HK1: variants seen among roughly 807,000 people sequenced by gnomAD.
HK1 encodes the protein hexokinase 1.
A neutral mutation model predicts 91.6 loss-of-function variants in HK1; 28 were observed. The observed-to-expected ratio is 0.31, with a 90% CI of 0.23 to 0.42. HK1 has a LOEUF of 0.42. Among genes scored for constraint, HK1 ranks in the 10% least tolerant of loss-of-function variants. The pLI is 1.00. For missense variants in HK1, 770 were observed against 1,219.8 expected, an observed-to-expected ratio of 0.63 and a Z score of 5.49; for synonymous variants, 430 against 468.1, an observed-to-expected ratio of 0.92 and a Z score of 1.05.
chr10:69,318,837 G>A (rs754059698), upstream of HK1: 819 of 1,380,334 alleles, frequency 5.9e-4, no homozygotes, highest in Non-Finnish European at 7.2e-4. Flanking sequence ...AGGAGCCGGG[G>A]GAGGAGGAGG....
intron 3 of HK1, among the ~76,000 whole-genome samples, chr10:69,364,186 A>C (rs907281957): frequency 5.9e-5 from 9 of 152,218 alleles, no homozygotes; most frequent in African/African-American, 1.9e-4. Flanking sequence ...GTGTTTCTCC[A>C]TCTGGGTGCT....
chr10:69,308,081 G>A lies in HK1; in HGVS notation c.27+7220G>A, dbSNP rs143784994. ...TTTGAACTCCTGACCTCAAGTGATCGACCCACCTCAGCCTCCCAAAGTGCT... is the reference window on the plus strand; with the variant it reads ...TTTGAACTCCTGACCTCAAGTGATCAACCCACCTCAGCCTCCCAAAGTGCT... On this transcript the variant is annotated intron_variant, in intron 5 of 21. Coordinates refer to the HK1 transcript ENST00000360289. 5.5e-3 allele frequency among the ~76,000 whole-genome samples: 841 copies of A among 152,028 alleles called. 10 individuals carry two copies. Among genetic ancestry groups the A allele is most frequent in the African/African-American group, 0.019 (804 of 41,484 alleles).
In HK1 at chr10:69,401,774, G is replaced by T; in HGVS notation, c.*639G>T. The T allele has an allele frequency of 5.9e-6, 1 of 170,086 alleles. No individual in the cohort carries two copies. The allele number at this position is 170,086 out of a possible 1,614,324, so 10.5% of individuals were successfully genotyped here. A position where few individuals can be genotyped will look rare whatever the true frequency, so the allele number is the denominator to read the frequency against. On this transcript the variant is annotated 3_prime_UTR_variant, in exon 18 of 18. Coordinates refer to ENST00000359426, the MANE Select transcript of HK1 (RefSeq NM_000188.3). ...GGACAGTCCTGCGGAAATGTGTCTT[G>T]TCTCCATTTGGATAAAAGGAACCAA... is the stretch of plus-strand genomic sequence containing the variant.
chr10:69,271,291 C>T (rs1844149679), intron 1 of HK1, among the ~76,000 whole-genome samples: 1 of 151,972 alleles, frequency 6.6e-6, no homozygotes, highest in African/African-American at 2.4e-5. Context: ...TACAAGAAAC[C>T]TTGTATTCTT....
chr10:69,272,094 C>T (rs1024043253), intron 1 of HK1, among the ~76,000 whole-genome samples: 2 of 152,052 alleles, frequency 1.3e-5, no homozygotes, highest in African/African-American at 4.8e-5. Context: ...AAACTCCTGG[C>T]CTCAGGTGAT....
intron 1 of HK1, among the ~76,000 whole-genome samples, chr10:69,274,995 G>A (rs1409012255): frequency 6.6e-6 from 1 of 151,988 alleles, no homozygotes; most frequent in East Asian, 1.9e-4. Context: ...GGTCCCTTCT[G>A]CTCTGGAATT....
intron 2 of HK1, among the ~76,000 whole-genome samples, chr10:69,353,529 G>C (rs1022270220): frequency 6.6e-6 from 1 of 151,700 alleles, no homozygotes; most frequent in Admixed American, 6.6e-5. Flanking sequence ...GGAGGTTGAG[G>C]CTGCAGTAAG....
intron 1 of HK1, chr10:69,338,406 C>A: frequency 8.1e-7 from 1 of 1,227,214 alleles, no homozygotes; most frequent in Non-Finnish European, 1.0e-6. Context: ...TGACCAGAGT[C>A]CCACATATTC....
At chr10:69,393,109 G>C (rs1009873408) in intron 15 of HK1, among the ~76,000 whole-genome samples, 2 of 152,098 alleles carry the variant, frequency 1.3e-5, no homozygotes, top group Non-Finnish European at 2.9e-5. Flanking sequence ...AGCCTCCCCA[G>C]TAGCTGGGAT....
intron 1 of HK1, among the ~76,000 whole-genome samples, chr10:69,324,727 T>C (rs1239870841): frequency 6.6e-6 from 1 of 152,260 alleles, no homozygotes; most frequent in African/African-American, 2.4e-5. Context: ...CTGCAGATGT[T>C]AGCTCCTTAA....
chr10:69,286,544 C>T (rs1177919592), intron 2 of HK1, among the ~76,000 whole-genome samples: 2 of 151,762 alleles, frequency 1.3e-5, no homozygotes, highest in Non-Finnish European at 1.5e-5. Flanking sequence ...TTTTAGATCA[C>T]GCTTTACTTT....
chr10:69,271,845 A>C (rs1844186039), intron 1 of HK1, among the ~76,000 whole-genome samples: 1 of 151,292 alleles, frequency 6.6e-6, no homozygotes, highest in Non-Finnish European at 1.5e-5. Flanking sequence ...CATAGATATG[A>C]ATATATCTGT....
At chr10:69,360,619 G>C (rs961907142) in intron 3 of HK1, among the ~76,000 whole-genome samples, 1 of 152,196 alleles carries the variant, frequency 6.6e-6, no homozygotes, top group African/African-American at 2.4e-5. Flanking sequence ...TTACACTCCT[G>C]TTGGGGCTCC....
At chr10:69,281,688 G>A (rs1253169550) in intron 1 of HK1, among the ~76,000 whole-genome samples, 2 of 152,188 alleles carry the variant, frequency 1.3e-5, no homozygotes, top group African/African-American at 2.4e-5. Flanking sequence ...CATGAAGACA[G>A]GATATACGAA....
At chr10:69,360,724 T>C (rs59148624) in intron 3 of HK1, among the ~76,000 whole-genome samples, 10,247 of 152,220 alleles carry the variant, frequency 0.067, 580 homozygotes, top group South Asian at 0.17. Context: ...CCCTCCTCTC[T>C]GGGTGCGGGG....
chr10:69,381,368 T>A (rs1394597072), intron 9 of HK1, among the ~76,000 whole-genome samples: 1 of 152,190 alleles, frequency 6.6e-6, no homozygotes, highest in Non-Finnish European at 1.5e-5. Context: ...TTTTAAAATA[T>A]TTTTAAAGTA....
At chr10:69,395,145 A>C in intron 16 of HK1, 40 bp downstream of exon 16, 1 of 1,604,346 alleles carries the variant, frequency 6.2e-7, no homozygotes, top group Non-Finnish European at 8.5e-7. Flanking sequence ...CCCACCCTTC[A>C]GAGGTCGCCT....
At chr10:69,357,281 A>G (rs1469631144) in intron 2 of HK1, among the ~76,000 whole-genome samples, 1 of 152,242 alleles carries the variant, frequency 6.6e-6, no homozygotes, top group East Asian at 1.9e-4. Flanking sequence ...AAAGGTAGAA[A>G]CAAACCAAAT....
At chr10:69,301,611 C>T (rs1484464889) in intron 5 of HK1, among the ~76,000 whole-genome samples, 1 of 148,934 alleles carries the variant, frequency 6.7e-6, no homozygotes, top group African/African-American at 2.5e-5. Flanking sequence ...GAAAACAATT[C>T]CATGTATAAT....
Sources: allele counts gnomAD v4.1 joint callset (sites outside exome capture counted in the v4.1 genomes callset), GRCh38; gene constraint gnomAD v4.1.1; transcripts MANE v1.5; gene names NCBI Gene and HGNC (gene_info 2026-07-23, HGNC 2026-07-21).